TASOR2: variants seen among roughly 807,000 people sequenced by gnomAD.
TASOR2 encodes transcription activation suppressor family member 2.
In TASOR2, 84 loss-of-function variants were observed where a neutral mutation model predicts 199.5. The ratio of observed to expected loss-of-function variants is 0.42; its 90% CI spans 0.35 to 0.50. TASOR2 has a LOEUF of 0.50. Ranked by LOEUF, TASOR2 falls within the 20% of genes least tolerant of loss-of-function variation. The pLI, the probability that TASOR2 is intolerant of heterozygous loss-of-function variation, is 0.02. For missense variants in TASOR2, 2,796 were observed against 2,835.9 expected (o/e 0.99, Z 0.32); for synonymous variants, 1,103 against 1,046.6 (o/e 1.05, Z -1.04).
chr10:5,715,490 G>A (rs1832508520), intron 2 of TASOR2, among the ~76,000 whole-genome samples: 1 of 152,058 alleles, frequency 6.6e-6, no homozygotes, highest in African/African-American at 2.4e-5. Flanking sequence ...TATCATATAT[G>A]GTATTTTTTG....
At chr10:5,691,181 C>T (rs1198606584) in intron 1 of TASOR2, among the ~76,000 whole-genome samples, 2 of 140,958 alleles carry the variant, frequency 1.4e-5, no homozygotes, top group Non-Finnish European at 3.1e-5. Context: ...CAGAGTGAGA[C>T]TCCGTCTCAA....
chr10:5,707,305 T>G (rs1838757603), intron 1 of TASOR2, among the ~76,000 whole-genome samples: 2 of 152,186 alleles, frequency 1.3e-5, no homozygotes. Flanking sequence ...AATAAAAGTT[T>G]AAACAATAAG....
rs780300646 is a variant in TASOR2 at position 5,685,503 on chromosome 10, G to A, written c.-288+328G>A. ...TCAGGGATATGCTGATAAGTTCTTG[G>A]CTGAAGTTTCCGTCTTCGGGTTTGC... On this transcript the variant is annotated intron_variant, in intron 1 of 20. Transcript: ENST00000328090. This position sits in a 1 kb window ranked among gnomAD's most constrained non-coding sequence, Gnocchi z 5.4. 6.6e-6 allele frequency among the ~76,000 whole-genome samples: 1 copy of A among 152,206 alleles called. No individual in the cohort carries two copies. The highest frequency in any genetic ancestry group is 1.5e-5 in the Non-Finnish European group (1 of 68,036).
chr10:5,740,346 C>G lies in TASOR2; in HGVS notation c.2176C>G (p.Arg726Gly), dbSNP rs745400949. Residue 726 changes from arginine (R) to glycine (G), a missense_variant, in exon 13 of 21, where the codon CGT (arginine) becomes GGT (glycine). Coordinates refer to ENST00000328090, the Ensembl canonical transcript of TASOR2. This position sits in a 1 kb window ranked among gnomAD's most constrained non-coding sequence, Gnocchi z 5.3. ...GCCCAAGGATCGACCACCGTCTGCC[C>G]GTGTGAAAAAATCTTCTTGCTCTCG... The G allele has an allele frequency of 1.1e-5, 18 of 1,614,044 alleles. No homozygotes were observed. The South Asian group carries it at 2.0e-4, about 18-fold the overall frequency.
intron 1 of TASOR2, among the ~76,000 whole-genome samples, chr10:5,688,053 C>T (rs1159361619): frequency 6.6e-6 from 1 of 152,136 alleles, no homozygotes; most frequent in Non-Finnish European, 1.5e-5. Flanking sequence ...ACTAGAGTCT[C>T]ATCTGCTTTT....
intron 1 of TASOR2, among the ~76,000 whole-genome samples, chr10:5,708,788 TC>T (rs1432855953): frequency 2.0e-4 from 30 of 151,596 alleles, no homozygotes; most frequent in African/African-American, 7.0e-4. Context: ...TGCAACTTCT[TC>T]CCCCCAGACT....
In TASOR2 at chr10:5,706,508, G is replaced by GA. The variant is rs1170345131; in HGVS notation, c.-287-6311dup. ...TCCAGAAAGGTCCTTCCAAAAAAAA[G>GA]AAAAGAAGCTGCTCAAAACAGACAA... is the stretch of plus-strand genomic sequence containing the variant. On this transcript the variant is annotated intron_variant, in intron 1 of 20. Coordinates refer to ENST00000328090, the Ensembl canonical transcript of TASOR2. The surrounding 1 kb of genome is among the most constrained non-coding windows in gnomAD (Gnocchi z 4.8). 1.3e-5 allele frequency among the ~76,000 whole-genome samples: 2 copies of GA among 152,114 alleles called. No individual in the cohort carries two copies. Among genetic ancestry groups the GA allele is most frequent in the African/African-American group, 4.8e-5 (2 of 41,418 alleles).
intron 1 of TASOR2, among the ~76,000 whole-genome samples, chr10:5,711,998 T>TAA (rs899049872): frequency 6.8e-6 from 1 of 147,908 alleles, no homozygotes; most frequent in Non-Finnish European, 1.5e-5. Context: ...CGTATATATT[T>TAA]AAAAAAAAAA....
At chr10:5,697,347 A>G (rs914779434) in intron 1 of TASOR2, among the ~76,000 whole-genome samples, 2 of 152,218 alleles carry the variant, frequency 1.3e-5, no homozygotes, top group African/African-American at 2.4e-5. Flanking sequence ...GGAAGTTCCA[A>G]CAGTTCTGTG....
At chr10:5,723,376 AT>A (rs202033231) in intron 6 of TASOR2, among the ~76,000 whole-genome samples, 2 of 151,724 alleles carry the variant, frequency 1.3e-5, no homozygotes, top group Middle Eastern at 3.2e-3. Context: ...AAATAGCATA[AT>A]TTTTTTTAAT....
At position 5,756,742 on chromosome 10, in the gene TASOR2, G is replaced by T; in HGVS notation, c.6732+4G>T. Reference sequence around the variant, plus strand: ...TATATCATCACATTTGCATCAGGTCGGTTGGAAATACCTTACAAAGAAACG... The same window carrying T: ...TATATCATCACATTTGCATCAGGTCTGTTGGAAATACCTTACAAAGAAACG... On this transcript the variant is annotated splice_donor_region_variant and intron_variant, in intron 16 of 20. Coordinates refer to ENST00000328090, the Ensembl canonical transcript of TASOR2. The T allele has an allele frequency of 1.9e-6, 3 of 1,610,588 alleles. No individual in the cohort carries two copies. The highest frequency in any genetic ancestry group is 1.7e-4 in the Middle Eastern group (1 of 6,034).
rs2131519761 is a variant in TASOR2, at chr10:5,701,559, T to C, written c.-287-11264T>C. ...GAATCTGTAAATTGGCTTTGGGTAG[T>C]ATTCAACAATATGAATTCTTCCAGT... On this transcript the variant is annotated intron_variant, in intron 1 of 20. Transcript: ENST00000328090. The surrounding 1 kb of genome is among the most constrained non-coding windows in gnomAD (Gnocchi z 4.9). Among the ~76,000 whole-genome samples, 1 of 152,306 alleles carries C rather than the reference T, an allele frequency of 6.6e-6. No homozygotes were observed.
chr10:5,757,369 A>G, intron 16 of TASOR2, 151 bp from the exon 18 acceptor site: 1 of 739,770 alleles, frequency 1.4e-6, no homozygotes, highest in East Asian at 2.7e-5. Flanking sequence ...AATATGCCTC[A>G]TGCAGGGCAG....
At position 5,698,750 on chromosome 10, in the gene TASOR2, G is replaced by A. The variant is rs1214136411; in HGVS notation, c.-288+13575G>A. Among the ~76,000 whole-genome samples, 1 of 152,070 alleles carries A rather than the reference G, an allele frequency of 6.6e-6. No homozygotes were observed. Among genetic ancestry groups the A allele is most frequent in the African/African-American group, 2.4e-5 (1 of 41,392 alleles). On this transcript the variant is annotated intron_variant, in intron 1 of 20. Transcript: ENST00000328090. The surrounding 1 kb of genome is among the most constrained non-coding windows in gnomAD (Gnocchi z 4.4). ...AAGTAGATGGAAAATGTGACCTAAG[G>A]TTTTAATACAAATTTTAAAATAAAT...
exon 21 of TASOR2, chr10:5,763,605 T>A (rs1262957569): frequency 1.3e-5 from 2 of 152,244 alleles, no homozygotes; most frequent in Non-Finnish European, 2.9e-5. Context: ...AATCATTTAT[T>A]TATGATATTG....
At position 5,738,707 on chromosome 10, in the gene TASOR2, TATGATA is replaced by T. The variant is rs1419203591; in HGVS notation, c.1448-909_1448-904del. Among the ~76,000 whole-genome samples, 1 of 152,238 alleles carries T rather than the reference TATGATA, an allele frequency of 6.6e-6. No individual in the cohort carries two copies. Among genetic ancestry groups the T allele is most frequent in the Non-Finnish European group, 1.5e-5 (1 of 68,030 alleles). On this transcript the variant is annotated intron_variant, in intron 12 of 20. Transcript: ENST00000328090. This position sits in a 1 kb window ranked among gnomAD's most constrained non-coding sequence, Gnocchi z 4.7. ...TGTTAATTCATTTTGGACCTGCTAC[TATGATA>T]AAGAGGAACATAGTTGGCTTTTCTG...
chr10:5,753,455 C>T (rs1235159272), intron 15 of TASOR2, among the ~76,000 whole-genome samples: 3 of 152,098 alleles, frequency 2.0e-5, no homozygotes, highest in Non-Finnish European at 2.9e-5. Context: ...CTCTGTCTCC[C>T]GCATTCACAC....
At chr10:5,688,802 G>C (rs2386623) in intron 1 of TASOR2, among the ~76,000 whole-genome samples, 1 of 151,340 alleles carries the variant, frequency 6.6e-6, no homozygotes. Context: ...AGCCAGGTTT[G>C]AGACCAGCCT....
exon 15 of TASOR2, chr10:5,746,334 T>G (rs1837201902): frequency 6.2e-7 from 1 of 1,614,144 alleles, no homozygotes; most frequent in African/African-American, 1.3e-5. Context: ...ACAGTGGCAC[T>G]GTTACTCAAG....
Sources: allele counts gnomAD v4.1 joint callset (sites outside exome capture counted in the v4.1 genomes callset), GRCh38; gene constraint gnomAD v4.1.1; non-coding constraint Gnocchi (gnomAD v3.1); transcripts MANE v1.5; gene names NCBI Gene and HGNC (gene_info 2026-07-23, HGNC 2026-07-21).